The following RPA3 variants were observed in gnomAD, a reference collection of about 807,000 sequenced individuals.
RPA3 encodes the protein replication protein A3.
A neutral mutation model predicts 13.7 loss-of-function variants in RPA3; 24 were observed. That is an observed-to-expected ratio of 1.75 (90% CI 1.27 to 2.46). RPA3 has a LOEUF of 2.46. Among genes scored for constraint, RPA3 ranks in the 30% most tolerant of loss-of-function variants. RPA3 has a pLI of 0.00. For missense variants in RPA3, 183 were observed against 151.0 expected, an observed-to-expected ratio of 1.21 and a Z score of -1.11; for synonymous variants, 59 against 51.2, an observed-to-expected ratio of 1.15 and a Z score of -0.65.
chr7:7,657,691 A>G (rs2115084880), intron 4 of RPA3, among the ~76,000 whole-genome samples: 1 of 152,260 alleles, frequency 6.6e-6, no homozygotes, highest in South Asian at 2.1e-4. Context: ...TGGTACCCAT[A>G]CCATGCTGTT....
chr7:7,715,532 T>G (rs1160509283), intron 1 of RPA3, among the ~76,000 whole-genome samples: 1 of 152,214 alleles, frequency 6.6e-6, no homozygotes, highest in African/African-American at 2.4e-5. Flanking sequence ...TATTTCTGTG[T>G]GCTAGGTGCT....
At chr7:7,712,467 A>G (rs755612779) in intron 2 of RPA3, among the ~76,000 whole-genome samples, 1 of 152,104 alleles carries the variant, frequency 6.6e-6, no homozygotes, top group Non-Finnish European at 1.5e-5. Flanking sequence ...TTGTTTTATT[A>G]TTATAGTAAA....
At chr7:7,642,435 A>T (rs1333004369) in intron 4 of RPA3, among the ~76,000 whole-genome samples, 1 of 150,936 alleles carries the variant, frequency 6.6e-6, no homozygotes. Flanking sequence ...CTGGAATTAC[A>T]GGTGTGAGCC....
intron 2 of RPA3, among the ~76,000 whole-genome samples, chr7:7,705,934 G>T (rs1301302139): frequency 6.6e-6 from 1 of 152,052 alleles, no homozygotes. Flanking sequence ...GTTCAATTTT[G>T]CTATGAACCT....
At chr7:7,709,941 C>T (rs999168196) in intron 2 of RPA3, among the ~76,000 whole-genome samples, 1 of 152,068 alleles carries the variant, frequency 6.6e-6, no homozygotes, top group Admixed American at 6.6e-5. Flanking sequence ...TCTTTAAATT[C>T]TGCTTTTTTG....
intron 4 of RPA3, among the ~76,000 whole-genome samples, chr7:7,675,864 G>T (rs2115112384): frequency 6.6e-6 from 1 of 152,262 alleles, no homozygotes; most frequent in South Asian, 2.1e-4. Context: ...GTTGGCTGAG[G>T]CCTCGTTGCC....
intron 2 of RPA3, among the ~76,000 whole-genome samples, chr7:7,713,923 C>T (rs1287488719): frequency 6.6e-6 from 1 of 152,154 alleles, no homozygotes. Flanking sequence ...CAGCCTCGAC[C>T]TCCTAGTCTC....
intron 2 of RPA3, among the ~76,000 whole-genome samples, chr7:7,689,171 G>C (rs1780111981): frequency 1.3e-5 from 2 of 152,066 alleles, no homozygotes; most frequent in Admixed American, 1.3e-4. Context: ...ATTGGCTTAG[G>C]AATGGGCACC....
At chr7:7,688,762 C>T (rs1288128148) in intron 2 of RPA3, among the ~76,000 whole-genome samples, 1 of 152,090 alleles carries the variant, frequency 6.6e-6, no homozygotes, top group African/African-American at 2.4e-5. Flanking sequence ...ACATCTAACC[C>T]GCTGCGTATT....
intron 4 of RPA3, among the ~76,000 whole-genome samples, chr7:7,673,710 C>T (rs528572336): frequency 0.03 from 3,981 of 132,562 alleles, 166 homozygotes; most frequent in African/African-American, 0.092. Context: ...TTTTTCCCCC[C>T]CTTTTTTTTT....
intron 4 of RPA3, among the ~76,000 whole-genome samples, chr7:7,662,567 G>C (rs1433596887): frequency 6.6e-6 from 1 of 152,186 alleles, no homozygotes; most frequent in African/African-American, 2.4e-5. Flanking sequence ...GGCTAGGGGA[G>C]GGAGTTTCCC....
intron 2 of RPA3, among the ~76,000 whole-genome samples, chr7:7,693,335 C>G (rs980968656): frequency 6.6e-6 from 1 of 151,444 alleles, no homozygotes; most frequent in African/African-American, 2.4e-5. Context: ...ATCTATCTAT[C>G]TACATTATTT....
chr7:7,699,607 A>T (rs1308664644), intron 2 of RPA3, among the ~76,000 whole-genome samples: 1 of 152,168 alleles, frequency 6.6e-6, no homozygotes, highest in African/African-American at 2.4e-5. Flanking sequence ...TTGGAAATAG[A>T]TTTAGTTCTA....
intron 4 of RPA3, chr7:7,676,260 A>G (rs186667924): frequency 8.8e-5 from 35 of 398,120 alleles, no homozygotes; most frequent in East Asian, 6.1e-4. Context: ...TGAGCACGAT[A>G]TCGGTACCTA....
At chr7:7,674,028 TCATGTCA>T (rs1302124804) in intron 4 of RPA3, among the ~76,000 whole-genome samples, 1 of 152,222 alleles carries the variant, frequency 6.6e-6, no homozygotes, top group East Asian at 1.9e-4. Flanking sequence ...TTCCTCCATG[TCATGTCA>T]CATTTCTTCC....
At chr7:7,638,983 G>A in intron 6 of RPA3, 87 bp downstream of exon 6, 2 of 1,059,072 alleles carry the variant, frequency 1.9e-6, no homozygotes. Flanking sequence ...TAAATCCATT[G>A]CAAAAATTAG....
In RPA3 at chr7:7,640,461, A is replaced by T. The variant is rs1037466502; in HGVS notation, c.-43T>A. ...GCGGCTGGCGGGAAACCCACGGACG[A>T]CTGAAACTGTGCGCCCCGCGGGTGT... On this transcript the variant is annotated 5_prime_UTR_variant, in exon 5 of 8. Transcript: ENST00000223129. 9.5e-6 allele frequency: 15 copies of T among 1,582,370 alleles called. No homozygotes were observed. The highest frequency in any genetic ancestry group is 1.4e-5 in the African/African-American group (1 of 72,998).
intron 4 of RPA3, among the ~76,000 whole-genome samples, chr7:7,682,895 G>A (rs1264833983): frequency 1.3e-5 from 2 of 152,206 alleles, no homozygotes; most frequent in African/African-American, 4.8e-5. Flanking sequence ...ATGTGGAGTT[G>A]TGTGTCTAAT....
At chr7:7,654,609 T>A (rs1785298431) in intron 4 of RPA3, among the ~76,000 whole-genome samples, 1 of 152,146 alleles carries the variant, frequency 6.6e-6, no homozygotes, top group African/African-American at 2.4e-5. Flanking sequence ...AATAGTTATA[T>A]TTTAAAATTT....
Sources: gnomAD v4.1 joint callset for allele counts (sites outside exome capture counted in the v4.1 genomes callset) on GRCh38, gnomAD v4.1.1 for gene constraint, MANE v1.5 for transcripts, NCBI Gene and HGNC (gene_info 2026-07-23, HGNC 2026-07-21) for gene names.